The following DNMBP variants were observed in gnomAD, a reference collection of about 807,000 sequenced individuals.
DNMBP encodes the protein dynamin binding protein.
Under a neutral mutation model 150.0 loss-of-function variants are expected in DNMBP, and 87 were observed. The ratio of observed to expected loss-of-function variants is 0.58; its 90% CI spans 0.49 to 0.69. The LOEUF is 0.69. Ranked by LOEUF, DNMBP falls within the 30% of genes least tolerant of loss-of-function variation. The pLI is 0.00. For synonymous variants in DNMBP, 711 were observed against 750.4 expected (o/e 0.95, Z 0.86); for missense variants, 1,774 against 1,949.0 (o/e 0.91, Z 1.69).
chr10:99,947,469 C>T (rs1237977180), intron 4 of DNMBP, among the ~76,000 whole-genome samples: 1 of 149,658 alleles, frequency 6.7e-6, no homozygotes, highest in African/African-American at 2.5e-5. Context: ...AGCAGAAAAC[C>T]AAATATTGCA....
In DNMBP at chr10:99,881,949, T is replaced by C. The variant is rs74663550; in HGVS notation, c.3998-1588A>G. Among the ~76,000 whole-genome samples the C allele has an allele frequency of 1.0e-3, 152 of 152,346 alleles. 2 individuals carry two copies. In the East Asian group the frequency reaches 0.026, roughly 26 times the overall value. ...GATATGTTTTGGAATTCAGATTCTT[T>C]TTAATTCTGGGAAGGTAGTCAAGTA... On this transcript the variant is annotated intron_variant, in intron 15 of 16. Transcript: ENST00000324109.
At chr10:99,973,275 G>T (rs550479383) in intron 1 of DNMBP, among the ~76,000 whole-genome samples, 33 of 152,108 alleles carry the variant, frequency 2.2e-4, no homozygotes, top group Non-Finnish European at 3.2e-4. Context: ...CATTTGGACC[G>T]CAAAGGAATT....
intron 4 of DNMBP, among the ~76,000 whole-genome samples, chr10:99,949,439 G>A (rs1026608046): frequency 1.3e-5 from 2 of 152,164 alleles, no homozygotes; most frequent in Non-Finnish European, 2.9e-5. Flanking sequence ...CCAGATTAGA[G>A]AAGTAATGCC....
chr10:99,965,559 G>A (rs893907977), intron 3 of DNMBP, among the ~76,000 whole-genome samples: 3 of 148,906 alleles, frequency 2.0e-5, no homozygotes, highest in African/African-American at 7.5e-5. Context: ...CTGCAGTGGC[G>A]CAATCTTGGC....
rs768019815 is a variant in DNMBP, at chr10:99,955,558, A to G, written c.1916T>C (p.Val639Ala). The part of the protein sequence containing the change: ...QNLKPAPPLV[V>A]RPSRPAPLPP... ...CAGGGGAGCTGGGCGAGAGGGTCGCACCACCAAGGGTGGTGCAGGTTTTAG... is the reference window on the plus strand; with the variant it reads ...CAGGGGAGCTGGGCGAGAGGGTCGCGCCACCAAGGGTGGTGCAGGTTTTAG... Residue 639 changes from valine (V) to alanine (A), a missense_variant, in exon 4 of 17, where the codon GTG becomes GCG. Coordinates refer to ENST00000324109, the MANE Select transcript of DNMBP (RefSeq NM_015221.4). The G allele has an allele frequency of 6.2e-7, 1 of 1,602,024 alleles. No individual in the cohort carries two copies. Among genetic ancestry groups the G allele is most frequent in the Admixed American group, 1.7e-5 (1 of 57,608 alleles).
chr10:99,878,302 A>G (rs1386468639), intron 16 of DNMBP, among the ~76,000 whole-genome samples: 2 of 152,216 alleles, frequency 1.3e-5, no homozygotes, highest in Non-Finnish European at 2.9e-5. Flanking sequence ...AGGGAGGAGG[A>G]GAAGCCATGA....
At position 99,885,750 on chromosome 10, in the gene DNMBP, G is replaced by A. The variant is rs2039447424; in HGVS notation, c.3735C>T (p.Thr1245=). 1.2e-6 allele frequency: 2 copies of A among 1,601,850 alleles called. No homozygotes were observed. Among genetic ancestry groups the A allele is most frequent in the Non-Finnish European group, 1.7e-6 (2 of 1,173,164 alleles). The stretch of plus-strand genomic sequence containing the variant: ...TGGTTTTCCTCTCAAATGGCTTCTT[G>A]GTAGCTGGAAGAGACTCCGGGAAGA... ...FTFFPESLPA[T]KKPFERKTID... Residue 1245 remains threonine, a synonymous_variant, in exon 14 of 17, where the codon ACC becomes ACT. Coordinates refer to ENST00000324109, the MANE Select transcript of DNMBP (RefSeq NM_015221.4).
intron 3 of DNMBP, among the ~76,000 whole-genome samples, chr10:99,968,601 C>A (rs1191284741): frequency 6.6e-6 from 1 of 151,050 alleles, no homozygotes; most frequent in Non-Finnish European, 1.5e-5. Flanking sequence ...GGTGGGAGGA[C>A]TGCTTGAGCC....
intron 4 of DNMBP, among the ~76,000 whole-genome samples, chr10:99,953,493 CAT>C (rs1274618154): frequency 1.3e-5 from 2 of 152,096 alleles, no homozygotes; most frequent in Non-Finnish European, 2.9e-5. Context: ...AATTCTAACA[CAT>C]GCTTACTAAT....
intron 2 of DNMBP, among the ~76,000 whole-genome samples, chr10:99,971,711 G>T (rs1357204399): frequency 6.8e-6 from 1 of 147,764 alleles, no homozygotes; most frequent in Non-Finnish European, 1.5e-5. Context: ...GTAGAGACAG[G>T]GTCTCACCAT....
At chr10:99,911,476 T>G (rs2039898285) in intron 4 of DNMBP, among the ~76,000 whole-genome samples, 1 of 151,640 alleles carries the variant, frequency 6.6e-6, no homozygotes, top group South Asian at 2.1e-4. Flanking sequence ...AGAGCAAGAC[T>G]CCATCTCAAA....
At position 99,975,987 on chromosome 10, in the gene DNMBP, C is replaced by T. The variant is rs577198358; in HGVS notation, c.-10-3853G>A. Among the ~76,000 whole-genome samples the T allele has an allele frequency of 1.6e-4, 24 of 152,242 alleles. No homozygotes were observed. In the South Asian group the frequency reaches 4.8e-3, roughly 30 times the overall value. The stretch of plus-strand genomic sequence containing the variant: ...TTGGTTCCCATTTGGCAGGTGGGGA[C>T]ACGGGATCAGAGAGATGATAGCTGT... On this transcript the variant is annotated intron_variant, in intron 1 of 16. Transcript: ENST00000324109.
intron 1 of DNMBP, among the ~76,000 whole-genome samples, chr10:99,975,940 G>C (rs763660545): frequency 1.3e-5 from 2 of 152,020 alleles, no homozygotes; most frequent in Admixed American, 1.3e-4. Context: ...CTGAGTCCTC[G>C]CAAGGACCCT....
At chr10:99,927,035 G>A (rs886158242) in intron 4 of DNMBP, 1 of 152,452 alleles carries the variant, frequency 6.6e-6, no homozygotes, top group Admixed American at 6.5e-5. Flanking sequence ...GGAGGCCTCA[G>A]GAGAATGACT....
At chr10:99,969,550 A>T (rs1444710554) in intron 2 of DNMBP, among the ~76,000 whole-genome samples, 3 of 152,258 alleles carry the variant, frequency 2.0e-5, no homozygotes, top group Non-Finnish European at 1.5e-5. Flanking sequence ...AAAAAGTCGA[A>T]TTCAGACATA....
At chr10:99,900,191 A>G (rs2039718573) in intron 6 of DNMBP, 125 bp from the exon 7 acceptor site, 1 of 895,074 alleles carries the variant, frequency 1.1e-6, no homozygotes, top group African/African-American at 1.7e-5. Flanking sequence ...TGATACTAAG[A>G]CTATCCATCA....
At position 99,956,884 on chromosome 10, in the gene DNMBP, C is replaced by T; in HGVS notation, c.590G>A (p.Gly197Asp). 1.9e-6 allele frequency: 3 copies of T among 1,614,196 alleles called. No homozygotes were observed. In the South Asian group the frequency reaches 3.3e-5, roughly 18 times the overall value. The change falls in exon 4 of 17, where the codon GGT becomes GAT. Residue 197 changes from glycine (G) to aspartate (D), a missense_variant. Physicochemically the swap from Gly to Asp is moderately conservative, Grantham distance 94 (BLOSUM62 -1). This residue lies in a region of DNMBP where 344 missense variants were observed against 456.6 expected (regional missense o/e 0.75). Transcript: ENST00000324109. ...CAGGGGCCCCAACAGCTCTACAAAA[C>T]CTTCTGGAAAAATGCCTCTTCGGCC... is the stretch of plus-strand genomic sequence containing the variant. ...LEGRRGIFPE[G>D]FVELLGPLRT...
intron 1 of DNMBP, among the ~76,000 whole-genome samples, chr10:99,985,253 G>A (rs1261143568): frequency 4.6e-5 from 7 of 152,106 alleles, no homozygotes; most frequent in South Asian, 2.1e-4. Flanking sequence ...AACCAGGGAC[G>A]AGCAGCTTTA....
rs1359548835 is a variant in DNMBP at position 99,875,613 on chromosome 10, TAAA to T, written c.*1535_*1537del. The T allele has an allele frequency of 2.0e-5, 3 of 152,160 alleles. No homozygotes were observed. Among genetic ancestry groups the T allele is most frequent in the Non-Finnish European group, 2.9e-5 (2 of 68,028 alleles). 9.4% of individuals were successfully genotyped at this position (152,160 alleles called of 1,614,324 possible). On this transcript the variant is annotated 3_prime_UTR_variant, in exon 17 of 17. Transcript: ENST00000324109. ...TGCTTTTATTTATAAAAGAACTACT[TAAA>T]TATAAACATCTCTACATAGAAACAC...
Sources: gnomAD v4.1 joint callset for allele counts (sites outside exome capture counted in the v4.1 genomes callset) on GRCh38, gnomAD v4.1.1 for gene constraint, gnomAD v4.1.1 regional missense constraint, MANE v1.5 for transcripts, NCBI Gene and HGNC (gene_info 2026-07-23, HGNC 2026-07-21) for gene names.